Variants in KRT77 observed in about 807,000 individuals in gnomAD.
KRT77 encodes keratin 77.
KRT77 carries 44 observed loss-of-function variants against 51.5 expected under a neutral mutation model. The ratio of observed to expected loss-of-function variants is 0.85; its 90% CI spans 0.67 to 1.10. The LOEUF is 1.10. Ranked by LOEUF, KRT77 falls within the 50% of genes least tolerant of loss-of-function variation. The pLI, the probability that KRT77 is intolerant of heterozygous loss-of-function variation, is 0.00. For synonymous variants in KRT77, 293 were observed against 302.0 expected (o/e 0.97, Z 0.31); for missense variants, 763 against 743.9 (o/e 1.03, Z -0.30).
chr12:52,694,651 TC>T lies in KRT77; in HGVS notation c.1054del (p.Glu352ArgfsTer24), dbSNP rs113542418. ...CTTGGTCTGGTACAGGGCTTCGGCC[TC>T]GTCCTTGCTCCTCTGTGCAATCAGT... is the stretch of plus-strand genomic sequence containing the variant. ...YELIAQRSKD[E>X]AEALYQTKYQ... On this transcript the variant is annotated frameshift_variant, in exon 5 of 9. Transcript: ENST00000341809. LOFTEE classifies it high-confidence loss of function. 1 of 1,609,822 alleles carries T rather than the reference TC, an allele frequency of 6.2e-7. No homozygotes were observed.
chr12:52,697,837 C>A lies in KRT77; in HGVS notation c.603G>T (p.Gln201His), dbSNP rs780074643. 29 of 1,614,168 alleles carry A rather than the reference C, an allele frequency of 1.8e-5. No individual in the cohort carries two copies. The highest frequency in any genetic ancestry group is 1.6e-4 in the Middle Eastern group (1 of 6,062). Residue 201 changes from glutamine (Q) to histidine (H), a missense_variant, in exon 2 of 9, where the codon CAG (glutamine) becomes CAT (histidine). Physicochemically the swap from Gln to His is conservative, Grantham distance 24 (BLOSUM62 0). Transcript: ENST00000341809. ...TGTTGGTTCCAGTTGAGGTGTTCAC[C>A]TGCTGCAGCAACTCCCATTTTGTTT... Reference protein sequence around the residue: ...VLQTKWELLQQVNTSTGTNNL... With the variant: ...VLQTKWELLQHVNTSTGTNNL...
In KRT77 at chr12:52,702,893, T is replaced by A. The variant is rs1428989288; in HGVS notation, c.542A>T (p.Lys181Met). 3 of 1,613,982 alleles carry A rather than the reference T, an allele frequency of 1.9e-6. No individual in the cohort carries two copies. The highest frequency in any genetic ancestry group is 1.7e-6 in the Non-Finnish European group (2 of 1,179,974). The change falls in exon 1 of 9, where the codon AAG (lysine) becomes ATG (methionine). Residue 181 changes from lysine (K) to methionine (M), a missense_variant and splice_region_variant. Transcript: ENST00000341809. The part of the protein sequence containing the change: ...LNNKFASFID[K>M]VRFLEQQNQV... Reference sequence around the variant, plus strand: ...CCTCCCTGCCCCTGAGGTGCTCACCTTGTCAATGAAGGAGGCAAACTTGTT... The same window carrying A: ...CCTCCCTGCCCCTGAGGTGCTCACCATGTCAATGAAGGAGGCAAACTTGTT...
At chr12:52,694,831 T>C (rs1298401997) in intron 4 of KRT77, 41 bp from the exon 5 acceptor site, 1 of 1,496,038 alleles carries the variant, frequency 6.7e-7, no homozygotes, top group South Asian at 1.4e-5. Flanking sequence ...TCCATTCTCC[T>C]CTGGGGGCCT....
chr12:52,698,682 C>T (rs1192221865), intron 1 of KRT77, among the ~76,000 whole-genome samples: 2 of 152,172 alleles, frequency 1.3e-5, no homozygotes, highest in African/African-American at 2.4e-5. Flanking sequence ...GCAAAGTGTG[C>T]GGCTTGTCCT....
Position 52,694,794 on chromosome 12 carries a change from C to G in KRT77, c.916-4G>C. On this transcript the variant is annotated splice_region_variant and splice_polypyrimidine_tract_variant and intron_variant, in intron 4 of 8. Coordinates refer to ENST00000341809, the MANE Select transcript of KRT77 (RefSeq NM_175078.3). ...GAGTCTGCACCTGAGACAGCTCCTG[C>G]GAGGCATGGCGCACAGGCTGACTCC... 6.3e-7 allele frequency: 1 copy of G among 1,593,934 alleles called. No homozygotes were observed. Among genetic ancestry groups the G allele is most frequent in the Non-Finnish European group, 8.6e-7 (1 of 1,165,316 alleles).
Position 52,691,404 on chromosome 12 carries a change from C to A in KRT77, c.1498G>T (p.Ala500Ser). ...QNSQVSVNGG[A>S]GGGGSYGSGG... ...GAGCCGTAGCTGCCGCCGCCTCCCG[C>A]GCCGCCGTTGACGCTCACCTGGCTG... is the stretch of plus-strand genomic sequence containing the variant. Residue 500 changes from alanine to serine, a missense_variant, in exon 9 of 9, where the codon GCG (alanine) becomes TCG (serine). Physicochemically the swap from Ala to Ser is moderately conservative, Grantham distance 99 (BLOSUM62 1). Coordinates refer to ENST00000341809, the MANE Select transcript of KRT77 (RefSeq NM_175078.3). The A allele has an allele frequency of 6.3e-7, 1 of 1,598,860 alleles. No individual in the cohort carries two copies.
At chr12:52,691,880 G>C in intron 8 of KRT77, 58 bp downstream of exon 8, 1 of 1,604,266 alleles carries the variant, frequency 6.2e-7, no homozygotes, top group Non-Finnish European at 8.5e-7. Flanking sequence ...GCCACCTCCT[G>C]GCCCTCCCTC....
At chr12:52,691,513 T>C in intron 8 of KRT77, 74 bp from the exon 9 acceptor site, 3 of 1,465,764 alleles carry the variant, frequency 2.0e-6, no homozygotes, top group Non-Finnish European at 2.7e-6. Flanking sequence ...CCCCTGCACC[T>C]GCAGCCTCCT....
rs372725169 is a variant in KRT77 at position 52,702,888 on chromosome 12, T to C, written c.543+4A>G. On this transcript the variant is annotated splice_donor_region_variant and intron_variant, in intron 1 of 8. Coordinates refer to ENST00000341809, the MANE Select transcript of KRT77 (RefSeq NM_175078.3). ...ATGACCCTCCCTGCCCCTGAGGTGC[T>C]CACCTTGTCAATGAAGGAGGCAAAC... is the stretch of plus-strand genomic sequence containing the variant. The C allele has an allele frequency of 8.2e-5, 132 of 1,613,766 alleles. No homozygotes were observed. Among genetic ancestry groups the C allele is most frequent in the Non-Finnish European group, 1.1e-4 (129 of 1,179,938 alleles).
chr12:52,694,578 T>G, intron 5 of KRT77, 48 bp downstream of exon 5: 1 of 1,524,404 alleles, frequency 6.6e-7, no homozygotes, highest in South Asian at 1.3e-5. Context: ...AAGACAATTC[T>G]GGGAAGAATC....
chr12:52,696,335 T>C (rs1400238614), intron 3 of KRT77, 35 bp downstream of exon 3: 19 of 1,607,538 alleles, frequency 1.2e-5, no homozygotes, highest in Non-Finnish European at 1.5e-5. Context: ...GCCTCCTGGG[T>C]CCACAGCCAC....
rs776458087 is a variant in KRT77, at chr12:52,691,327, G to A, written c.1575C>T (p.Tyr525=). ...SGGGYGGGRS[Y]RGGGARGRSG... ...TCCTGCCTCGTGCCCCGCCTCCGCGGTAGCTTCTTCCGCCGCCATAGCCCC... is the reference window on the plus strand; with the variant it reads ...TCCTGCCTCGTGCCCCGCCTCCGCGATAGCTTCTTCCGCCGCCATAGCCCC... The change falls in exon 9 of 9, where the codon TAC becomes TAT. Residue 525 remains tyrosine, a synonymous_variant. Transcript: ENST00000341809. 3.8e-6 allele frequency: 6 copies of A among 1,599,984 alleles called. No homozygotes were observed. In the Admixed American group the frequency reaches 5.2e-5, roughly 14 times the overall value.
intron 2 of KRT77, chr12:52,696,872 CGTT>C (rs1009338986): frequency 1.2e-5 from 2 of 173,032 alleles, no homozygotes; most frequent in Admixed American, 1.1e-4. Context: ...ACTTTTCCCT[CGTT>C]GATTCACACA....
intron 8 of KRT77, 144 bp downstream of exon 8, chr12:52,691,794 G>T: frequency 1.2e-6 from 1 of 844,522 alleles, no homozygotes; most frequent in African/African-American, 1.7e-5. Context: ...TCCAGGCTTT[G>T]CCATTACACT....
intron 1 of KRT77, among the ~76,000 whole-genome samples, chr12:52,700,618 C>T (rs1293634073): frequency 6.6e-6 from 1 of 152,050 alleles, no homozygotes; most frequent in African/African-American, 2.4e-5. Flanking sequence ...AGTTGGAAGC[C>T]TGGGGGCTGT....
chr12:52,700,754 G>C (rs143942198), intron 1 of KRT77, among the ~76,000 whole-genome samples: 2 of 152,344 alleles, frequency 1.3e-5, no homozygotes, highest in African/African-American at 4.8e-5. Flanking sequence ...TGAAGGGCAA[G>C]TAATATAGGG....
At chr12:52,697,950 C>A (rs1000141410) in intron 1 of KRT77, 54 bp from the exon 2 acceptor site, 3 of 1,551,224 alleles carry the variant, frequency 1.9e-6, no homozygotes, top group Non-Finnish European at 2.7e-6. Flanking sequence ...GCAGCTCCCC[C>A]ATAAGTAGGA....
intron 2 of KRT77, 21 bp from the exon 3 acceptor site, chr12:52,696,451 G>A (rs771772790): frequency 2.5e-6 from 4 of 1,610,194 alleles, no homozygotes; most frequent in East Asian, 2.2e-5. Flanking sequence ...AGGCAAAGGA[G>A]CACAGAAAGG....
At chr12:52,696,575 T>C (rs1490028365) in intron 2 of KRT77, 145 bp from the exon 3 acceptor site, 1 of 684,218 alleles carries the variant, frequency 1.5e-6, no homozygotes, top group Non-Finnish European at 2.6e-6. Flanking sequence ...TGGCTGTCCA[T>C]TCCCAGAGGC....
Sources: gnomAD v4.1 joint callset for allele counts (sites outside exome capture counted in the v4.1 genomes callset) on GRCh38, gnomAD v4.1.1 for gene constraint, MANE v1.5 for transcripts, NCBI Gene and HGNC (gene_info 2026-07-23, HGNC 2026-07-21) for gene names.